The following CTNND2 variants were observed in gnomAD, a reference collection of about 807,000 sequenced individuals.
CTNND2 encodes catenin delta-2.
Under a neutral mutation model 144.4 loss-of-function variants are expected in CTNND2, and 22 were observed. That is an observed-to-expected ratio of 0.15 (90% confidence interval 0.11 to 0.22). The LOEUF (loss-of-function observed/expected upper bound fraction) is 0.22. Ranked by LOEUF, CTNND2 falls within the 10% of genes least tolerant of loss-of-function variation. CTNND2 has a pLI of 1.00. For missense variants in CTNND2, 1,353 were observed against 1,618.8 expected (o/e 0.84, Z 2.82); for synonymous variants, 751 against 695.6 (o/e 1.08, Z -1.25).
At chr5:11,250,237 C>T (rs575953459) in intron 9 of CTNND2, among the ~76,000 whole-genome samples, 2 of 152,150 alleles carry the variant, frequency 1.3e-5, no homozygotes, top group Non-Finnish European at 2.9e-5. Context: ...GATTCTGTAT[C>T]TGTACAACTG....
intron 3 of CTNND2, among the ~76,000 whole-genome samples, chr5:11,461,078 G>T (rs986519493): frequency 6.6e-6 from 1 of 150,762 alleles, no homozygotes; most frequent in South Asian, 2.1e-4. Context: ...CACTTTCCCC[G>T]CTAGTCCTGC....
chr5:11,012,330 T>C lies in CTNND2; in HGVS notation c.3084+5644A>G, dbSNP rs957523410. Among the ~76,000 whole-genome samples the C allele has an allele frequency of 2.6e-5, 4 of 152,196 alleles. 1 individual carries two copies. Among genetic ancestry groups the C allele is most frequent in the Admixed American group, 2.6e-4 (4 of 15,280 alleles). On this transcript the variant is annotated intron_variant, in intron 18 of 21. Transcript: ENST00000304623. Reference sequence around the variant, plus strand: ...GGTCAAGGAAAGATACAGACTTGGATACATAAAGTGGAAGGAAGGCATCAT... The same window carrying C: ...GGTCAAGGAAAGATACAGACTTGGACACATAAAGTGGAAGGAAGGCATCAT...
chr5:11,107,817 C>T (rs1009477437), intron 14 of CTNND2, among the ~76,000 whole-genome samples: 18 of 151,758 alleles, frequency 1.2e-4, no homozygotes, highest in African/African-American at 4.1e-4. Flanking sequence ...TCACAGCAGC[C>T]CTTGGGGCAA....
chr5:11,043,643 T>A (rs578127778), intron 16 of CTNND2, among the ~76,000 whole-genome samples: 29 of 152,282 alleles, frequency 1.9e-4, no homozygotes, highest in African/African-American at 7.0e-4. Context: ...TTTTAACTAA[T>A]TTCACTCAAT....
At chr5:11,039,721 G>A (rs1744482920) in intron 16 of CTNND2, among the ~76,000 whole-genome samples, 1 of 151,992 alleles carries the variant, frequency 6.6e-6, no homozygotes, top group African/African-American at 2.4e-5. Flanking sequence ...AATTCTAGAA[G>A]GTACACTAAA....
intron 9 of CTNND2, among the ~76,000 whole-genome samples, chr5:11,258,745 G>T (rs991312940): frequency 3.3e-5 from 5 of 152,074 alleles, no homozygotes; most frequent in African/African-American, 9.7e-5. Context: ...CAAAACCTGA[G>T]GATTTTAGGT....
intron 9 of CTNND2, among the ~76,000 whole-genome samples, chr5:11,239,336 C>G (rs1300609166): frequency 6.6e-6 from 1 of 152,248 alleles, no homozygotes; most frequent in African/African-American, 2.4e-5. Context: ...TCCAAAGACT[C>G]ATGAGTGCAG....
At chr5:11,375,697 A>C (rs553728091) in intron 7 of CTNND2, among the ~76,000 whole-genome samples, 2 of 152,294 alleles carry the variant, frequency 1.3e-5, no homozygotes, top group East Asian at 3.9e-4. Flanking sequence ...CCTTTTTCAA[A>C]TGTTGTCATT....
intron 7 of CTNND2, among the ~76,000 whole-genome samples, chr5:11,377,491 AT>A (rs981585023): frequency 1.3e-5 from 2 of 152,100 alleles, no homozygotes; most frequent in African/African-American, 2.4e-5. Flanking sequence ...GGTAGTTTTC[AT>A]TTTTTTAGGG....
chr5:11,821,317 C>T (rs561013803), intron 1 of CTNND2, among the ~76,000 whole-genome samples: 3 of 152,144 alleles, frequency 2.0e-5, no homozygotes, highest in East Asian at 1.9e-4. Context: ...CAGTGTACTT[C>T]GCTTCACAAC....
At chr5:11,250,211 G>A (rs557504684) in intron 9 of CTNND2, among the ~76,000 whole-genome samples, 2 of 152,080 alleles carry the variant, frequency 1.3e-5, no homozygotes, top group African/African-American at 4.8e-5. Flanking sequence ...CCCAACTATA[G>A]GTCATTGTCT....
chr5:11,699,565 G>A (rs1785322501), intron 2 of CTNND2, among the ~76,000 whole-genome samples: 1 of 152,126 alleles, frequency 6.6e-6, no homozygotes, highest in Non-Finnish European at 1.5e-5. Context: ...AAACAAGGGA[G>A]GAATAATATT....
chr5:10,981,298 G>T (rs1292786880), intron 21 of CTNND2, among the ~76,000 whole-genome samples: 1 of 152,166 alleles, frequency 6.6e-6, no homozygotes, highest in African/African-American at 2.4e-5. Flanking sequence ...CAGAATAATA[G>T]AACTTATTTA....
chr5:11,762,470 A>C (rs1398385711), intron 1 of CTNND2, among the ~76,000 whole-genome samples: 1 of 152,232 alleles, frequency 6.6e-6, no homozygotes, highest in African/African-American at 2.4e-5. Flanking sequence ...TCATATGTGC[A>C]TATGAAACAC....
chr5:11,749,876 C>G (rs1161816701), intron 1 of CTNND2, among the ~76,000 whole-genome samples: 1 of 151,628 alleles, frequency 6.6e-6, no homozygotes, highest in Non-Finnish European at 1.5e-5. Context: ...AAAAATAGAC[C>G]CTTGTATATT....
intron 1 of CTNND2, among the ~76,000 whole-genome samples, chr5:11,789,289 T>C (rs1791011543): frequency 6.6e-6 from 1 of 152,194 alleles, no homozygotes; most frequent in Admixed American, 6.5e-5. Flanking sequence ...TTGCCACTCC[T>C]GAAAAATCTT....
intron 12 of CTNND2, among the ~76,000 whole-genome samples, chr5:11,141,083 T>C (rs867709588): frequency 6.6e-6 from 1 of 152,170 alleles, no homozygotes; most frequent in African/African-American, 2.4e-5. Context: ...GACTTCCAAG[T>C]AGCTGGAACT....
intron 2 of CTNND2, among the ~76,000 whole-genome samples, chr5:11,696,088 C>G (rs1315177121): frequency 1.3e-5 from 2 of 152,164 alleles, no homozygotes; most frequent in Non-Finnish European, 2.9e-5. Context: ...ACTGTCAGCA[C>G]ACTCTTTCTG....
At chr5:11,390,051 T>A in intron 6 of CTNND2, among the ~76,000 whole-genome samples, 1 of 152,234 alleles carries the variant, frequency 6.6e-6, no homozygotes, top group Non-Finnish European at 1.5e-5. Flanking sequence ...AAAACACTTC[T>A]GATCCCCTGC....
Sources: gnomAD v4.1 joint callset for allele counts (sites outside exome capture counted in the v4.1 genomes callset) on GRCh38, gnomAD v4.1.1 for gene constraint, MANE v1.5 for transcripts, NCBI Gene and HGNC (gene_info 2026-07-23, HGNC 2026-07-21) for gene names.